Variants in TACC2 observed in about 807,000 individuals in gnomAD.
TACC2 encodes the protein transforming acidic coiled-coil-containing protein 2.
Under a neutral mutation model 227.3 loss-of-function variants are expected in TACC2, and 137 were observed. That is an observed-to-expected ratio of 0.60 (90% CI 0.52 to 0.69). The LOEUF (loss-of-function observed/expected upper bound fraction) is 0.69, where lower values mean the gene tolerates loss of function less well. Among genes scored for constraint, TACC2 ranks in the 30% least tolerant of loss-of-function variants. The probability of loss-of-function intolerance (pLI) is 0.00; values close to 1 mark genes in which losing one functional copy is unlikely to be tolerated. For missense variants in TACC2, 3,470 were observed against 3,694.4 expected (o/e 0.94, Z 1.57); for synonymous variants, 1,523 against 1,487.5 (o/e 1.02, Z -0.55).
intron 7 of TACC2, chr10:122,163,941 C>A: frequency 6.3e-7 from 1 of 1,584,370 alleles, no homozygotes; most frequent in South Asian, 1.2e-5. Context: ...GGGTCGCAGT[C>A]CCTGCAGCCA....
chr10:122,148,558 G>A (rs1342345169), intron 7 of TACC2, among the ~76,000 whole-genome samples: 1 of 152,258 alleles, frequency 6.6e-6, no homozygotes, highest in South Asian at 2.1e-4. Flanking sequence ...CTGTGGCTTT[G>A]TCTTCTCTCT....
chr10:122,078,365 C>T (rs1267491010), intron 3 of TACC2, among the ~76,000 whole-genome samples: 1 of 152,072 alleles, frequency 6.6e-6, no homozygotes, highest in Admixed American at 6.6e-5. Flanking sequence ...TGGCCTCCTT[C>T]CTCCCTTTAA....
chr10:122,039,515 G>A (rs1016197028), intron 2 of TACC2, among the ~76,000 whole-genome samples: 9 of 152,072 alleles, frequency 5.9e-5, no homozygotes, highest in Admixed American at 3.9e-4. Context: ...AGGCAGCAGG[G>A]TCTGGGGCGG....
intron 6 of TACC2, among the ~76,000 whole-genome samples, chr10:122,135,562 G>A (rs184678131): frequency 3.6e-4 from 55 of 151,934 alleles, no homozygotes; most frequent in Admixed American, 1.7e-3. Flanking sequence ...TTGTCTTGTT[G>A]TTTTTACTGG....
chr10:122,224,860 GTGT>G (rs2141309299), intron 12 of TACC2, 73 bp downstream of exon 12: 1 of 1,259,010 alleles, frequency 7.9e-7, no homozygotes, highest in African/African-American at 1.5e-5. Flanking sequence ...CCTGTGCAGA[GTGT>G]CTCTGGGAGC....
intron 1 of TACC2, among the ~76,000 whole-genome samples, chr10:122,014,677 CTCA>C (rs1259639359): frequency 6.6e-6 from 1 of 152,192 alleles, no homozygotes; most frequent in Non-Finnish European, 1.5e-5. Context: ...TGTGTTGGTT[CTCA>C]TGTTTCCATT....
intron 16 of TACC2, among the ~76,000 whole-genome samples, chr10:122,235,802 G>A (rs1322629176): frequency 2.0e-5 from 3 of 152,164 alleles, no homozygotes; most frequent in South Asian, 2.1e-4. Context: ...TCCTTAAAAC[G>A]GGGACTTCTT....
rs867567811 is a variant in TACC2 at position 122,026,165 on chromosome 10, A to C, written c.33+4151A>C. On this transcript the variant is annotated intron_variant, in intron 2 of 22. Coordinates refer to ENST00000369005, the MANE Select transcript of TACC2 (RefSeq NM_206862.4). ...AACCCCGTCTCTACTAAAAATCCAAAAAAAAAAAAAAAATTAGCCGGGCAT... is the reference window on the plus strand; with the variant it reads ...AACCCCGTCTCTACTAAAAATCCAACAAAAAAAAAAAAATTAGCCGGGCAT... Among the ~76,000 whole-genome samples the C allele has an allele frequency of 6.5e-3, 911 of 140,530 alleles. 12 individuals carry two copies. The highest frequency in any genetic ancestry group is 0.024 in the African/African-American group (821 of 33,998). 92.2% of individuals were successfully genotyped at this position (140,530 alleles called of 152,430 possible).
chr10:122,216,886 G>C (rs747217424), intron 11 of TACC2, 58 bp downstream of exon 11: 1 of 1,613,484 alleles, frequency 6.2e-7, no homozygotes, highest in Admixed American at 1.7e-5. Flanking sequence ...CCTGCCCCTA[G>C]GGAGCCAAAG....
chr10:122,138,408 G>C (rs1029924909), intron 6 of TACC2, among the ~76,000 whole-genome samples: 6 of 152,198 alleles, frequency 3.9e-5, no homozygotes, highest in Non-Finnish European at 8.8e-5. Flanking sequence ...TACTTGGGAG[G>C]CTGAGGCAGG....
intron 1 of TACC2, among the ~76,000 whole-genome samples, chr10:122,003,751 G>C (rs1186376230): frequency 6.6e-6 from 1 of 151,952 alleles, no homozygotes; most frequent in Non-Finnish European, 1.5e-5. Flanking sequence ...TGCCTCCCGG[G>C]TTCATGCCAT....
Position 122,230,445 on chromosome 10 carries a change from C to T in TACC2, c.8127+5C>T, listed in dbSNP as rs200143680. The T allele has an allele frequency of 9.2e-5, 148 of 1,613,744 alleles. No homozygotes were observed. Among genetic ancestry groups the T allele is most frequent in the East Asian group, 8.0e-4 (36 of 44,880 alleles). On this transcript the variant is annotated splice_donor_5th_base_variant and intron_variant, in intron 16 of 22. Transcript: ENST00000369005. Reference sequence around the variant, plus strand: ...CGCAGCCACCAGGATGCCAAGGTACCGGTTTGCTGCTGCGTGCGCCACCTC... The same window carrying T: ...CGCAGCCACCAGGATGCCAAGGTACTGGTTTGCTGCTGCGTGCGCCACCTC...
chr10:122,057,663 A>T (rs989310021), intron 3 of TACC2, among the ~76,000 whole-genome samples: 5 of 7,426 alleles, frequency 6.7e-4, no homozygotes, highest in Non-Finnish European at 2.5e-3. Context: ...TTAAAAAATT[A>T]AAAAAAATTA....
At chr10:122,025,755 T>C (rs1246600610) in intron 2 of TACC2, among the ~76,000 whole-genome samples, 2 of 150,772 alleles carry the variant, frequency 1.3e-5, no homozygotes, top group Non-Finnish European at 3.0e-5. Flanking sequence ...TTTGTATTTT[T>C]AGTAGAGATG....
At chr10:122,119,642 C>T (rs921678570) in intron 5 of TACC2, among the ~76,000 whole-genome samples, 11 of 152,170 alleles carry the variant, frequency 7.2e-5, no homozygotes, top group Non-Finnish European at 7.3e-5. Flanking sequence ...GGCTGGGTAT[C>T]GTGGCTCACT....
chr10:122,035,270 C>G (rs940509781), intron 2 of TACC2, among the ~76,000 whole-genome samples: 1 of 152,152 alleles, frequency 6.6e-6, no homozygotes, highest in Non-Finnish European at 1.5e-5. Flanking sequence ...TTGGGAAGCC[C>G]CTCCCTGCTG....
At chr10:122,034,854 G>A (rs1959734395) in intron 2 of TACC2, among the ~76,000 whole-genome samples, 1 of 151,724 alleles carries the variant, frequency 6.6e-6, no homozygotes, top group South Asian at 2.1e-4. Flanking sequence ...CTTGAACCTG[G>A]GAGGCAGAGG....
chr10:122,178,261 A>T (rs1333500512), intron 7 of TACC2, among the ~76,000 whole-genome samples: 1 of 140,406 alleles, frequency 7.1e-6, no homozygotes, highest in African/African-American at 2.7e-5. Context: ...TTTTTGAGAC[A>T]GTCTTGCTCT....
intron 8 of TACC2, among the ~76,000 whole-genome samples, chr10:122,202,013 CT>C (rs767544440): frequency 0.13 from 13,423 of 102,340 alleles, 1,763 homozygotes; most frequent in African/African-American, 0.36. Context: ...TCTTCTTTAG[CT>C]TTTTTTTTTT....
Sources: allele counts gnomAD v4.1 joint callset (sites outside exome capture counted in the v4.1 genomes callset), GRCh38; gene constraint gnomAD v4.1.1; transcripts MANE v1.5; gene names NCBI Gene and HGNC (gene_info 2026-07-23, HGNC 2026-07-21).